The following BTBD10 variants were observed in gnomAD, a reference collection of about 807,000 sequenced individuals.
The protein encoded by BTBD10 is BTB domain containing 10.
A neutral mutation model predicts 53.2 loss-of-function variants in BTBD10; 21 were observed. The observed-to-expected ratio is 0.39, with a 90% CI of 0.28 to 0.57. BTBD10 has a LOEUF of 0.57. Among genes scored for constraint, BTBD10 ranks in the 20% least tolerant of loss-of-function variants. The pLI, the probability that BTBD10 is intolerant of heterozygous loss-of-function variation, is 0.53. For synonymous variants in BTBD10, 149 were observed against 192.7 expected (o/e 0.77, Z 1.88); for missense variants, 360 against 594.7 (o/e 0.61, Z 4.10).
At chr11:13,392,246 G>GA (rs1168913086) in intron 8 of BTBD10, among the ~76,000 whole-genome samples, 1 of 152,188 alleles carries the variant, frequency 6.6e-6, no homozygotes, top group Non-Finnish European at 1.5e-5. Context: ...GACTAAAATA[G>GA]AAAAAGCTTC....
At chr11:13,441,719 C>A (rs951334875) in intron 2 of BTBD10, among the ~76,000 whole-genome samples, 4 of 151,934 alleles carry the variant, frequency 2.6e-5, no homozygotes, top group African/African-American at 9.7e-5. Flanking sequence ...TAGAACAAAA[C>A]AAAACACAAA....
chr11:13,453,075 T>C (rs1950895492), intron 1 of BTBD10, among the ~76,000 whole-genome samples: 1 of 152,188 alleles, frequency 6.6e-6, no homozygotes, highest in Non-Finnish European at 1.5e-5. Context: ...ACAGTATTAT[T>C]TGTCCTAGAA....
At chr11:13,446,175 T>C (rs781682380) in intron 1 of BTBD10, among the ~76,000 whole-genome samples, 4 of 152,072 alleles carry the variant, frequency 2.6e-5, no homozygotes, top group Non-Finnish European at 5.9e-5. Flanking sequence ...AGCTATACAA[T>C]TTGGACTGGA....
At chr11:13,403,437 T>A (rs2135767143) in intron 7 of BTBD10, among the ~76,000 whole-genome samples, 159 bp from the exon 8 acceptor site, 1 of 152,216 alleles carries the variant, frequency 6.6e-6, no homozygotes, top group South Asian at 2.1e-4. Flanking sequence ...AGGGCAGTAT[T>A]CAGTATAGTT....
intron 5 of BTBD10, among the ~76,000 whole-genome samples, chr11:13,415,088 C>T (rs1950067408): frequency 6.7e-6 from 1 of 148,964 alleles, no homozygotes; most frequent in South Asian, 2.2e-4. Flanking sequence ...CACAAACGGT[C>T]ACAAACTATC....
chr11:13,399,034 C>T (rs560515659), intron 8 of BTBD10, among the ~76,000 whole-genome samples: 5 of 152,250 alleles, frequency 3.3e-5, no homozygotes, highest in African/African-American at 1.2e-4. Flanking sequence ...GAGTTAGTTG[C>T]TCTTCTCGAG....
intron 6 of BTBD10, among the ~76,000 whole-genome samples, chr11:13,408,180 C>T (rs1214118190): frequency 1.3e-5 from 2 of 152,338 alleles, no homozygotes; most frequent in East Asian, 1.9e-4. Flanking sequence ...GCTTATTACA[C>T]AGCAATAGTT....
At chr11:13,427,272 A>C (rs1394367575) in intron 2 of BTBD10, among the ~76,000 whole-genome samples, 1 of 152,200 alleles carries the variant, frequency 6.6e-6, no homozygotes, top group Non-Finnish European at 1.5e-5. Flanking sequence ...TGGTACAAAG[A>C]GATTCAATAT....
chr11:13,448,088 T>TTTCA (rs1950782155), intron 1 of BTBD10, among the ~76,000 whole-genome samples: 7 of 152,174 alleles, frequency 4.6e-5, no homozygotes, highest in Admixed American at 4.6e-4. Context: ...ATTTGTCGGA[T>TTTCA]TTCATTCATT....
chr11:13,448,932 A>G (rs1950798094), intron 1 of BTBD10, among the ~76,000 whole-genome samples: 2 of 152,234 alleles, frequency 1.3e-5, no homozygotes, highest in South Asian at 2.1e-4. Context: ...GTCACTATTC[A>G]TTACTATGTT....
At chr11:13,449,293 A>G (rs561082535) in intron 1 of BTBD10, among the ~76,000 whole-genome samples, 9 of 152,300 alleles carry the variant, frequency 5.9e-5, no homozygotes, top group Non-Finnish European at 7.4e-5. Flanking sequence ...TATTTTCACT[A>G]TCGAAGTTCT....
intron 8 of BTBD10, among the ~76,000 whole-genome samples, chr11:13,396,867 A>C (rs1313309524): frequency 6.6e-6 from 1 of 152,230 alleles, no homozygotes; most frequent in African/African-American, 2.4e-5. Flanking sequence ...ATGTGGAACC[A>C]GCCTTGCATC....
chr11:13,425,078 T>C (rs1950311013), intron 2 of BTBD10, among the ~76,000 whole-genome samples: 1 of 152,076 alleles, frequency 6.6e-6, no homozygotes, highest in South Asian at 2.1e-4. Flanking sequence ...CAGTCACACA[T>C]GTGAGGACAC....
intron 1 of BTBD10, among the ~76,000 whole-genome samples, chr11:13,458,111 G>A (rs1032393791): frequency 7.5e-6 from 1 of 134,100 alleles, no homozygotes; most frequent in African/African-American, 2.9e-5. Flanking sequence ...AGGTCAGCCT[G>A]GACAACATAA....
intron 1 of BTBD10, among the ~76,000 whole-genome samples, chr11:13,448,262 T>C (rs1950786104): frequency 6.6e-6 from 1 of 152,172 alleles, no homozygotes; most frequent in South Asian, 2.1e-4. Context: ...AGCACTTCTA[T>C]TCAAGTTGTA....
intron 2 of BTBD10, among the ~76,000 whole-genome samples, chr11:13,429,077 T>C (rs982183040): frequency 1.5e-4 from 23 of 151,748 alleles, no homozygotes; most frequent in African/African-American, 4.4e-4. Flanking sequence ...AACTCACACA[T>C]TGGCAAAACC....
At chr11:13,399,380 C>T (rs1949649314) in intron 8 of BTBD10, among the ~76,000 whole-genome samples, 2 of 152,138 alleles carry the variant, frequency 1.3e-5, no homozygotes, top group South Asian at 2.1e-4. Flanking sequence ...GTTCTCGTGC[C>T]GTGGCTTTCA....
intron 8 of BTBD10, among the ~76,000 whole-genome samples, chr11:13,400,129 T>C (rs898016126): frequency 3.3e-5 from 5 of 152,242 alleles, no homozygotes; most frequent in Admixed American, 3.3e-4. Context: ...TGTTTGTCTG[T>C]GCCCTGCCCC....
chr11:13,426,927 C>G (rs1950349721), intron 2 of BTBD10, among the ~76,000 whole-genome samples: 1 of 152,168 alleles, frequency 6.6e-6, no homozygotes, highest in Non-Finnish European at 1.5e-5. Context: ...TAGATGTAAA[C>G]TGTCTAAACC....
Sources: allele counts gnomAD v4.1 joint callset (sites outside exome capture counted in the v4.1 genomes callset), GRCh38; gene constraint gnomAD v4.1.1; transcripts MANE v1.5; gene names NCBI Gene and HGNC (gene_info 2026-07-23, HGNC 2026-07-21).